RTL4: variants seen among roughly 807,000 people sequenced by gnomAD.
The protein encoded by RTL4 is retrotransposon Gag like 4.
In RTL4, 4 loss-of-function variants were observed where a neutral mutation model predicts 5.3. The ratio of observed to expected loss-of-function variants is 0.75; its 90% CI spans 0.37 to 1.72. The LOEUF is 1.72. Ranked by LOEUF, RTL4 falls within the 40% of genes most tolerant of loss-of-function variation. The probability of loss-of-function intolerance (pLI) is 0.04; values close to 1 mark genes in which losing one functional copy is unlikely to be tolerated. For missense variants in RTL4, 260 were observed against 227.1 expected (o/e 1.14, Z -0.93); for synonymous variants, 98 against 87.3 (o/e 1.12, Z -0.68).
chrX:112,391,109 A>G, the RTL4 span, among the ~76,000 whole-genome samples: 1 of 112,107 alleles, frequency 8.9e-6, no homozygotes, highest in Non-Finnish European at 1.9e-5. Context: ...TTATTCTGCT[A>G]TTAATACTTG....
chrX:112,166,629 C>T, the RTL4 span, among the ~76,000 whole-genome samples: 2 of 111,820 alleles, frequency 1.8e-5, no homozygotes, highest in Admixed American at 9.5e-5. Context: ...AGGTTAACTG[C>T]AGCCTGTGCT....
chrX:112,093,963 G>A, the RTL4 span, among the ~76,000 whole-genome samples: 1 of 111,765 alleles, frequency 8.9e-6, no homozygotes, highest in African/African-American at 3.2e-5. Context: ...GTGTGGTCAT[G>A]TGAGGGCTTG....
chrX:112,285,109 A>G, the RTL4 span, among the ~76,000 whole-genome samples: 1 of 112,142 alleles, frequency 8.9e-6, no homozygotes, highest in Non-Finnish European at 1.9e-5. Context: ...TCAAAGTTGA[A>G]TAACCATTTT....
the RTL4 span, among the ~76,000 whole-genome samples, chrX:112,173,505 G>A: frequency 1.3e-4 from 15 of 111,522 alleles, no homozygotes; most frequent in African/African-American, 4.2e-4. Context: ...AAAAGCAATC[G>A]TGGCCATAAG....
the RTL4 span, among the ~76,000 whole-genome samples, chrX:112,324,703 G>C: frequency 1.8e-5 from 2 of 110,293 alleles, no homozygotes; most frequent in African/African-American, 6.6e-5. Context: ...TTCTCCTCTC[G>C]TGATCAGAAA....
At chrX:112,266,629 A>T in the RTL4 span, among the ~76,000 whole-genome samples, 1 of 111,020 alleles carries the variant, frequency 9.0e-6, no homozygotes, top group Non-Finnish European at 1.9e-5. Context: ...ATAACCATAC[A>T]CTGGAACAGG....
At chrX:112,191,352 C>T in the RTL4 span, among the ~76,000 whole-genome samples, 1 of 111,399 alleles carries the variant, frequency 9.0e-6, no homozygotes, top group Non-Finnish European at 1.9e-5. Flanking sequence ...TATCTAGAGT[C>T]TTCATTAACT....
At chrX:112,369,865 G>T in the RTL4 span, among the ~76,000 whole-genome samples, 2 of 111,700 alleles carry the variant, frequency 1.8e-5, no homozygotes, top group African/African-American at 6.5e-5. Context: ...GGTATTTTTT[G>T]AATGCAGAGC....
At chrX:112,450,844 T>G (rs1190378022), upstream of RTL4, among the ~76,000 whole-genome samples, 1 of 112,126 alleles carries the variant, frequency 8.9e-6, no homozygotes, top group South Asian at 3.7e-4. Context: ...GACATTGTTA[T>G]AATAATGTAA....
chrX:112,090,220 T>C, the RTL4 span, among the ~76,000 whole-genome samples: 1 of 110,567 alleles, frequency 9.0e-6, no homozygotes, highest in Non-Finnish European at 1.9e-5. Flanking sequence ...TACTTCTTCC[T>C]AATTTAGATG....
chrX:112,296,651 C>T, the RTL4 span, among the ~76,000 whole-genome samples: 1 of 105,049 alleles, frequency 9.5e-6, no homozygotes, highest in Admixed American at 1.0e-4. Context: ...ACTCTGTAGC[C>T]CAGGCTGGAG....
chrX:112,262,690 C>A, the RTL4 span, among the ~76,000 whole-genome samples: 1 of 111,506 alleles, frequency 9.0e-6, no homozygotes, highest in South Asian at 3.8e-4. Context: ...GATCCCATTA[C>A]TGGGTATATA....
chrX:112,118,280 G>T, the RTL4 span, among the ~76,000 whole-genome samples: 1 of 112,010 alleles, frequency 8.9e-6, no homozygotes, highest in East Asian at 2.8e-4. Flanking sequence ...CAATATGTTG[G>T]GTTGATGTTG....
chrX:112,264,981 C>T, the RTL4 span, among the ~76,000 whole-genome samples: 1 of 112,365 alleles, frequency 8.9e-6, no homozygotes, highest in African/African-American at 3.2e-5. Context: ...TGAGGCCAGT[C>T]TCGGCTTGGG....
At chrX:112,208,797 G>A in the RTL4 span, among the ~76,000 whole-genome samples, 4 of 112,539 alleles carry the variant, frequency 3.6e-5, no homozygotes, top group African/African-American at 1.3e-4. Flanking sequence ...AAGTCCTTGG[G>A]AGAAAGGGCT....
the RTL4 span, among the ~76,000 whole-genome samples, chrX:112,349,800 C>T: frequency 9.7e-6 from 1 of 102,896 alleles, no homozygotes; most frequent in Non-Finnish European, 2.0e-5. Flanking sequence ...ACAATCATGT[C>T]ATCTGCAAAC....
the RTL4 span, among the ~76,000 whole-genome samples, chrX:112,178,757 A>G: frequency 1.8e-5 from 2 of 111,242 alleles, no homozygotes; most frequent in Non-Finnish European, 3.8e-5. Context: ...GAATCACATC[A>G]TATATGCCAG....
At chrX:112,176,390 T>A in the RTL4 span, among the ~76,000 whole-genome samples, 1 of 111,499 alleles carries the variant, frequency 9.0e-6, no homozygotes, top group Non-Finnish European at 1.9e-5. Flanking sequence ...TTTCCCCCTT[T>A]CCACAACCAA....
the RTL4 span, among the ~76,000 whole-genome samples, chrX:112,239,928 T>G: frequency 1.8e-5 from 2 of 111,685 alleles, no homozygotes; most frequent in East Asian, 2.8e-4. Flanking sequence ...GAATCACTCA[T>G]TATACCAAGA....
Sources: gnomAD v4.1 joint callset for allele counts (sites outside exome capture counted in the v4.1 genomes callset) on GRCh38, gnomAD v4.1.1 for gene constraint, MANE v1.5 for transcripts, NCBI Gene and HGNC (gene_info 2026-07-23, HGNC 2026-07-21) for gene names.